CAMTA1: variants seen among roughly 807,000 people sequenced by gnomAD.
The protein encoded by CAMTA1 is calmodulin-binding transcription activator 1.
In CAMTA1, 27 loss-of-function variants were observed where a neutral mutation model predicts 170.9. The ratio of observed to expected loss-of-function variants is 0.16; its 90% CI spans 0.12 to 0.22. CAMTA1 has a LOEUF of 0.22. CAMTA1 is among the 10% of genes least tolerant of loss of function. The pLI is 1.00. For missense variants in CAMTA1, 1,619 were observed against 2,217.2 expected (o/e 0.73, Z 5.42); for synonymous variants, 833 against 891.5 (o/e 0.93, Z 1.17).
rs529094271 is a variant in CAMTA1, at chr1:7,019,624, T to C, written c.235-71680T>C. Among the ~76,000 whole-genome samples, 4 of 152,300 alleles carry C rather than the reference T, an allele frequency of 2.6e-5. No homozygotes were observed. The East Asian group carries it at 7.7e-4, about 29-fold the overall frequency. The stretch of plus-strand genomic sequence containing the variant: ...TTTAGAATCGTTAGAGGACAGGAGA[T>C]CAGCTACACAGATGATGAAACTGAA... On this transcript the variant is annotated intron_variant, in intron 3 of 22. Coordinates refer to ENST00000303635, the MANE Select transcript of CAMTA1 (RefSeq NM_015215.4).
rs747462055 is a variant in CAMTA1, at chr1:7,744,815, C to G, written c.4183-20C>G. ...AAGGTTCCTTTCTAACCTGAGTGTT[C>G]TGTGAACTTCTGACTTCAGGTGAAC... On this transcript the variant is annotated intron_variant, in intron 16 of 22. Transcript: ENST00000303635. 1 of 1,605,690 alleles carries G rather than the reference C, an allele frequency of 6.2e-7. No individual in the cohort carries two copies. Among genetic ancestry groups the G allele is most frequent in the African/African-American group, 1.3e-5 (1 of 74,714 alleles).
At chr1:7,553,279 GTGAATGAA>G (rs139759075) in intron 6 of CAMTA1, among the ~76,000 whole-genome samples, 6,381 of 152,156 alleles carry the variant, frequency 0.042, 156 homozygotes, top group African/African-American at 0.074. Context: ...AATTGAGTGA[GTGAATGAA>G]TGAGTGAATG....
At chr1:7,684,836 G>A (rs2096244517) in intron 11 of CAMTA1, among the ~76,000 whole-genome samples, 1 of 152,170 alleles carries the variant, frequency 6.6e-6, no homozygotes, top group Non-Finnish European at 1.5e-5. Context: ...CCCAGGGCAT[G>A]GTCCTGGGCA....
intron 3 of CAMTA1, among the ~76,000 whole-genome samples, chr1:6,828,286 CTTTTTTTTTTTTTTT>C (rs746522147): frequency 1.4e-5 from 1 of 69,746 alleles, no homozygotes; most frequent in Admixed American, 2.1e-4. Flanking sequence ...TCATTCCATC[CTTTTTTTTTTTTTTT>C]TTTTTTTTTG....
intron 11 of CAMTA1, among the ~76,000 whole-genome samples, chr1:7,679,903 A>G (rs911938385): frequency 2.8e-4 from 42 of 152,362 alleles, no homozygotes; most frequent in African/African-American, 9.9e-4. Flanking sequence ...TGTCCTTTCA[A>G]GGAATGAGTG....
intron 6 of CAMTA1, among the ~76,000 whole-genome samples, chr1:7,639,036 G>A (rs975482765): frequency 6.6e-6 from 1 of 152,126 alleles, no homozygotes; most frequent in Non-Finnish European, 1.5e-5. Context: ...TGGAGTGCAG[G>A]GGTGCGATCT....
chr1:7,691,060 C>T (rs972951470), intron 11 of CAMTA1, among the ~76,000 whole-genome samples: 9 of 152,194 alleles, frequency 5.9e-5, no homozygotes, highest in Non-Finnish European at 8.8e-5. Flanking sequence ...AGGAAACATC[C>T]GAACTGACCA....
In CAMTA1 at chr1:7,680,410, A is replaced by G. The variant is rs2096179430; in HGVS notation, c.2914+2677A>G. 6.6e-6 allele frequency among the ~76,000 whole-genome samples: 1 copy of G among 151,904 alleles called. No individual in the cohort carries two copies. On this transcript the variant is annotated intron_variant, in intron 11 of 22. Transcript: ENST00000303635. The surrounding 1 kb of genome is among the most constrained non-coding windows in gnomAD (Gnocchi z 4.4). Reference sequence around the variant, plus strand: ...TGGGCGCCAGGGGACTGCAGCGCGGAGCAAACTGGGGCACGGCTGCCGGCG... The same window carrying G: ...TGGGCGCCAGGGGACTGCAGCGCGGGGCAAACTGGGGCACGGCTGCCGGCG...
rs908809410 is a variant in CAMTA1, at chr1:6,855,100, TA to T, written c.234+29898del. ...TGACATGATTGTATATGTAGAAAAT[TA>T]AAAAAAACCTCTTTATAACTTATTA... On this transcript the variant is annotated intron_variant, in intron 3 of 22. Transcript: ENST00000303635. 1.1e-3 allele frequency among the ~76,000 whole-genome samples: 170 copies of T among 152,038 alleles called. 1 individual carries two copies. Among genetic ancestry groups the T allele is most frequent in the African/African-American group, 3.7e-3 (152 of 41,510 alleles).
intron 22 of CAMTA1, among the ~76,000 whole-genome samples, chr1:7,765,825 A>G (rs1321028454): frequency 2.0e-5 from 3 of 152,012 alleles, no homozygotes; most frequent in East Asian, 3.9e-4. Context: ...AGGAGATCGA[A>G]ACCATCCTGG....
At chr1:7,414,395 T>C (rs1268899274) in intron 5 of CAMTA1, among the ~76,000 whole-genome samples, 4 of 152,170 alleles carry the variant, frequency 2.6e-5, no homozygotes, top group Non-Finnish European at 4.4e-5. Context: ...TCCTGGACTC[T>C]TTTTGGTTGG....
intron 3 of CAMTA1, among the ~76,000 whole-genome samples, chr1:7,042,825 C>T (rs972701703): frequency 6.6e-6 from 1 of 152,188 alleles, no homozygotes; most frequent in Non-Finnish European, 1.5e-5. Context: ...GACCTCTAGG[C>T]GTTTGTTACC....
In CAMTA1 at chr1:7,664,906, A is replaced by G. The variant is rs1409436341; in HGVS notation, c.2359A>G (p.Ser787Gly). Reference sequence around the variant, plus strand: ...CGACTTCATCTCCGTGGAGGGGGGCAGCAGCACCATCTATGGGCACCAGCT... The same window carrying G: ...CGACTTCATCTCCGTGGAGGGGGGCGGCAGCACCATCTATGGGCACCAGCT... The part of the protein sequence containing the change: ...INDFISVEGG[S>G]STIYGHQLVS... The change falls in exon 9 of 23, where the codon AGC becomes GGC. Residue 787 changes from serine (S) to glycine (G), a missense_variant. By Grantham distance (56) the Ser-to-Gly change is moderately conservative. Around this residue, in one of 8 missense-constraint regions of CAMTA1, gnomAD observed 731 missense variants for 907.6 expected, o/e 0.81. Coordinates refer to ENST00000303635, the MANE Select transcript of CAMTA1 (RefSeq NM_015215.4). The G allele has an allele frequency of 1.2e-6, 2 of 1,613,192 alleles. No homozygotes were observed. The highest frequency in any genetic ancestry group is 1.7e-6 in the Non-Finnish European group (2 of 1,179,970).
At position 7,668,388 on chromosome 1, in the gene CAMTA1, AACACACAC is replaced by A. The variant is rs779206499; in HGVS notation, c.2653-2486_2653-2479del. Among the ~76,000 whole-genome samples the A allele has an allele frequency of 2.6e-3, 262 of 101,470 alleles. 3 individuals carry two copies. Among genetic ancestry groups the A allele is most frequent in the East Asian group, 0.021 (74 of 3,592 alleles). 66.6% of individuals were successfully genotyped at this position (101,470 alleles called of 152,430 possible). On this transcript the variant is annotated intron_variant, in intron 9 of 22. Coordinates refer to ENST00000303635, the MANE Select transcript of CAMTA1 (RefSeq NM_015215.4). The stretch of plus-strand genomic sequence containing the variant: ...TCACCTCCAGCTGCAGCTGGTCACC[AACACACAC>A]ACACACACACACACACACACACACA...
At chr1:7,194,199 C>A (rs1202803040) in intron 4 of CAMTA1, among the ~76,000 whole-genome samples, 1 of 152,150 alleles carries the variant, frequency 6.6e-6, no homozygotes, top group Non-Finnish European at 1.5e-5. Context: ...CTTTACAATC[C>A]CCTACCGTCC....
In CAMTA1 at chr1:7,248,483, A is replaced by G. The variant is rs931377317; in HGVS notation, c.303-1008A>G. 3.3e-5 allele frequency among the ~76,000 whole-genome samples: 5 copies of G among 152,154 alleles called. No individual in the cohort carries two copies. Among genetic ancestry groups the G allele is most frequent in the Non-Finnish European group, 7.4e-5 (5 of 68,018 alleles). ...TCCCCTGCTGCACGTTCAGGTGCAG[A>G]GTGGTGCAGCACTGCGTGGGGTGCT... On this transcript the variant is annotated intron_variant, in intron 4 of 22. Transcript: ENST00000303635. This position sits in a 1 kb window ranked among gnomAD's most constrained non-coding sequence, Gnocchi z 4.0.
intron 7 of CAMTA1, among the ~76,000 whole-genome samples, chr1:7,649,181 T>C (rs1390148914): frequency 6.6e-6 from 1 of 152,214 alleles, no homozygotes; most frequent in Non-Finnish European, 1.5e-5. Flanking sequence ...TGCCGGCACA[T>C]GGTGGAGCCT....
chr1:7,408,500 C>T (rs548314108), intron 5 of CAMTA1, among the ~76,000 whole-genome samples: 36 of 152,278 alleles, frequency 2.4e-4, no homozygotes, highest in Middle Eastern at 3.4e-3. Flanking sequence ...TGTCCTGAGC[C>T]GCTTGGCCAC....
intron 3 of CAMTA1, among the ~76,000 whole-genome samples, chr1:6,967,664 T>C (rs1691800352): frequency 6.6e-6 from 1 of 152,182 alleles, no homozygotes; most frequent in South Asian, 2.1e-4. Context: ...TGCTGTGTGG[T>C]TCAGCCAGCA....
Sources: allele counts gnomAD v4.1 joint callset (sites outside exome capture counted in the v4.1 genomes callset), GRCh38; gene constraint gnomAD v4.1.1; regional missense constraint gnomAD v4.1.1; non-coding constraint Gnocchi (gnomAD v3.1); transcripts MANE v1.5; gene names NCBI Gene and HGNC (gene_info 2026-07-23, HGNC 2026-07-21).